EEFSEC: variants seen among roughly 807,000 people sequenced by gnomAD.
The protein encoded by EEFSEC is selenocysteine-specific elongation factor.
A neutral mutation model predicts 42.1 loss-of-function variants in EEFSEC; 43 were observed. The observed-to-expected ratio is 1.02, with a 90% CI of 0.80 to 1.32. The LOEUF is 1.32. Among genes scored for constraint, EEFSEC ranks in the 40% most tolerant of loss-of-function variants. The pLI is 0.00. For synonymous variants in EEFSEC, 354 were observed against 339.1 expected (o/e 1.04, Z -0.48); for missense variants, 745 against 803.6 (o/e 0.93, Z 0.88).
intron 1 of EEFSEC, among the ~76,000 whole-genome samples, chr3:128,176,243 A>G (rs1263293859): frequency 6.6e-6 from 1 of 151,998 alleles, no homozygotes; most frequent in East Asian, 1.9e-4. Context: ...CACGTGTAAC[A>G]TATGATTTTT....
At chr3:128,338,523 AG>A (rs1001210631) in intron 4 of EEFSEC, among the ~76,000 whole-genome samples, 1 of 152,174 alleles carries the variant, frequency 6.6e-6, no homozygotes, top group Non-Finnish European at 1.5e-5. Context: ...CCCTTCTAGG[AG>A]GTCCATGGGA....
intron 4 of EEFSEC, among the ~76,000 whole-genome samples, chr3:128,282,793 G>A (rs1026517520): frequency 2.6e-5 from 4 of 152,194 alleles, no homozygotes; most frequent in South Asian, 2.1e-4. Context: ...TGGCTCTGCC[G>A]CTGGTTGCCT....
chr3:128,385,664 T>A (rs961427472), intron 6 of EEFSEC, among the ~76,000 whole-genome samples: 9 of 152,246 alleles, frequency 5.9e-5, no homozygotes, highest in Non-Finnish European at 1.0e-4. Context: ...CATTGACTTA[T>A]GAGTTCCATT....
At chr3:128,407,916 G>A (rs576206411) in intron 6 of EEFSEC, among the ~76,000 whole-genome samples, 153 bp from the exon 7 acceptor site, 1 of 152,308 alleles carries the variant, frequency 6.6e-6, no homozygotes, top group Admixed American at 6.5e-5. Context: ...GTGCCGGAGG[G>A]ACCAAAATGT....
intron 1 of EEFSEC, among the ~76,000 whole-genome samples, chr3:128,190,551 A>C (rs2065513029): frequency 6.6e-6 from 1 of 152,236 alleles, no homozygotes; most frequent in African/African-American, 2.4e-5. Flanking sequence ...AAAATTTTAA[A>C]GTTTATAAAG....
At chr3:128,204,406 T>C (rs998337228) in intron 1 of EEFSEC, among the ~76,000 whole-genome samples, 3 of 152,230 alleles carry the variant, frequency 2.0e-5, no homozygotes, top group African/African-American at 7.2e-5. Flanking sequence ...GATATTTGTA[T>C]TGCTTTAATT....
At chr3:128,248,855 T>C (rs745460180) in intron 2 of EEFSEC, among the ~76,000 whole-genome samples, 26 of 152,248 alleles carry the variant, frequency 1.7e-4, no homozygotes, top group Non-Finnish European at 3.4e-4. Flanking sequence ...TCTATTTTAG[T>C]GTATTGATTG....
chr3:128,209,448 G>A lies in EEFSEC; in HGVS notation c.317-37388G>A, dbSNP rs377329221. 1.6e-3 allele frequency among the ~76,000 whole-genome samples: 238 copies of A among 152,272 alleles called. 2 individuals carry two copies. The highest frequency in any genetic ancestry group is 5.5e-3 in the African/African-American group (227 of 41,548). ...GATGTGGGGAACTTGGATGGTATGGGCCAGCTTCTGGGAGAACTCCTTTGG... is the reference window on the plus strand; with the variant it reads ...GATGTGGGGAACTTGGATGGTATGGACCAGCTTCTGGGAGAACTCCTTTGG... On this transcript the variant is annotated intron_variant, in intron 1 of 6. Coordinates refer to ENST00000254730, the MANE Select transcript of EEFSEC (RefSeq NM_021937.5).
chr3:128,248,631 G>A (rs534532657), intron 2 of EEFSEC, among the ~76,000 whole-genome samples: 21 of 152,214 alleles, frequency 1.4e-4, no homozygotes, highest in East Asian at 5.8e-4. Context: ...TCTCCCTGTC[G>A]TTTTATTTAC....
At chr3:128,157,018 C>A (rs1944392588) in intron 1 of EEFSEC, among the ~76,000 whole-genome samples, 1 of 152,136 alleles carries the variant, frequency 6.6e-6, no homozygotes, top group African/African-American at 2.4e-5. Flanking sequence ...GTTTTGGACG[C>A]AAAGGAAAAG....
intron 4 of EEFSEC, among the ~76,000 whole-genome samples, chr3:128,292,000 G>A (rs1186333195): frequency 6.6e-6 from 1 of 152,066 alleles, no homozygotes; most frequent in Non-Finnish European, 1.5e-5. Context: ...AATGGGTGTT[G>A]AATTTTTTTG....
At chr3:128,193,526 G>T (rs2065549404) in intron 1 of EEFSEC, among the ~76,000 whole-genome samples, 1 of 152,188 alleles carries the variant, frequency 6.6e-6, no homozygotes, top group African/African-American at 2.4e-5. Context: ...CCCTTCAGAT[G>T]ATCATTTGCC....
Position 128,341,647 on chromosome 3 carries a change from G to A in EEFSEC, c.1201G>A (p.Ala401Thr). The A allele has an allele frequency of 1.9e-6, 3 of 1,614,094 alleles. No individual in the cohort carries two copies. Among genetic ancestry groups the A allele is most frequent in the Non-Finnish European group, 2.5e-6 (3 of 1,180,044 alleles). Reference sequence around the variant, plus strand: ...TGAGGCCGACAAGAAGGCCGGCCAGGCCACAGAGGGCCATTGTCCTCGGCA... The same window carrying A: ...TGAGGCCGACAAGAAGGCCGGCCAGACCACAGAGGGCCATTGTCCTCGGCA... ...NDEADKKAGQ[A>T]TEGHCPRQQW... The change falls in exon 5 of 7, where the codon GCC becomes ACC. Residue 401 changes from alanine (A) to threonine (T), a missense_variant. Physicochemically the swap from Ala to Thr is moderately conservative, Grantham distance 58. Transcript: ENST00000254730.
chr3:128,288,023 T>C (rs2066605247), intron 4 of EEFSEC, among the ~76,000 whole-genome samples: 1 of 147,626 alleles, frequency 6.8e-6, no homozygotes, highest in African/African-American at 2.5e-5. Context: ...AGACCTGCCT[T>C]TCTTTCTTTT....
At chr3:128,349,101 A>G (rs1440437149) in intron 5 of EEFSEC, among the ~76,000 whole-genome samples, 1 of 152,218 alleles carries the variant, frequency 6.6e-6, no homozygotes, top group Non-Finnish European at 1.5e-5. Context: ...GGGGCATTCC[A>G]GGTCCAGGGA....
downstream of EEFSEC, among the ~76,000 whole-genome samples, chr3:128,411,653 C>T (rs1446128417): frequency 6.6e-6 from 1 of 152,160 alleles, no homozygotes; most frequent in Non-Finnish European, 1.5e-5. Context: ...GGAGGGGCAG[C>T]GGTGATTGGC....
chr3:128,225,634 C>A (rs6775988), intron 1 of EEFSEC, among the ~76,000 whole-genome samples: 1 of 152,048 alleles, frequency 6.6e-6, no homozygotes, highest in East Asian at 1.9e-4. Context: ...ATAATGTTGT[C>A]TTTATCTGCC....
intron 1 of EEFSEC, among the ~76,000 whole-genome samples, chr3:128,198,458 T>G (rs796932100): frequency 6.6e-6 from 1 of 152,080 alleles, no homozygotes; most frequent in African/African-American, 2.4e-5. Flanking sequence ...ACCAGAAAGC[T>G]CAGAACACAA....
At chr3:128,200,093 CAG>C (rs1398881426) in intron 1 of EEFSEC, among the ~76,000 whole-genome samples, 3 of 151,936 alleles carry the variant, frequency 2.0e-5, no homozygotes, top group African/African-American at 7.3e-5. Context: ...TCTAAAATCT[CAG>C]GGCTACGTTT....
Sources: allele counts gnomAD v4.1 joint callset (sites outside exome capture counted in the v4.1 genomes callset), GRCh38; gene constraint gnomAD v4.1.1; transcripts MANE v1.5; gene names NCBI Gene and HGNC (gene_info 2026-07-23, HGNC 2026-07-21).